The following DSE variants were observed in gnomAD, a reference collection of about 807,000 sequenced individuals.
DSE encodes dermatan sulfate epimerase.
In DSE, 36 loss-of-function variants were observed where a neutral mutation model predicts 84.4. That is an observed-to-expected ratio of 0.43 (90% confidence interval 0.33 to 0.56). The LOEUF is 0.56. DSE is among the 20% of genes least tolerant of loss of function. DSE has a pLI of 0.06. For synonymous variants in DSE, 410 were observed against 430.1 expected, an observed-to-expected ratio of 0.95 and a Z score of 0.58; for missense variants, 862 against 1,169.6, an observed-to-expected ratio of 0.74 and a Z score of 3.84.
intron 2 of DSE, chr6:116,279,399 C>A (rs1223290090): frequency 2.5e-6 from 4 of 1,613,138 alleles, no homozygotes; most frequent in Admixed American, 1.7e-5. Context: ...CCCCCGCCGT[C>A]AGCTCAGACG....
intron 2 of DSE, among the ~76,000 whole-genome samples, chr6:116,275,951 CTG>C (rs1773121579): frequency 6.6e-6 from 1 of 152,194 alleles, no homozygotes; most frequent in South Asian, 2.1e-4. Context: ...CTGTATCACT[CTG>C]TTAATTCTTT....
intron 3 of DSE, among the ~76,000 whole-genome samples, chr6:116,429,228 T>G (rs1308054309): frequency 6.6e-6 from 1 of 152,184 alleles, no homozygotes; most frequent in Admixed American, 6.5e-5. Flanking sequence ...CAGGGTATGA[T>G]GATCAGTCAC....
chr6:116,333,627 G>T (rs764097177), intron 2 of DSE, among the ~76,000 whole-genome samples: 7 of 152,102 alleles, frequency 4.6e-5, no homozygotes, highest in Admixed American at 2.0e-4. Flanking sequence ...GAAAAGTGAG[G>T]CTTCAGAAAG....
At chr6:116,401,875 A>T (rs1781618716) in intron 2 of DSE, among the ~76,000 whole-genome samples, 1 of 152,138 alleles carries the variant, frequency 6.6e-6, no homozygotes, top group African/African-American at 2.4e-5. Context: ...CAAAAACAAA[A>T]AACTAGCTGT....
At chr6:116,435,544 A>G in intron 5 of DSE, 43 bp from the exon 6 acceptor site, 1 of 1,526,068 alleles carries the variant, frequency 6.6e-7, no homozygotes, top group Non-Finnish European at 8.8e-7. Context: ...TGTTATTTTC[A>G]CTGCCATCAG....
At chr6:116,291,496 G>T (rs1009555367) in intron 2 of DSE, among the ~76,000 whole-genome samples, 6 of 151,816 alleles carry the variant, frequency 4.0e-5, no homozygotes, top group African/African-American at 1.5e-4. Context: ...AAGATAGGGA[G>T]ATTAGTTGGG....
At chr6:116,389,408 G>A in intron 1 of DSE, among the ~76,000 whole-genome samples, 1 of 151,904 alleles carries the variant, frequency 6.6e-6, no homozygotes. Context: ...ATGAAGTGAG[G>A]GCTTTAAAGG....
intron 2 of DSE, among the ~76,000 whole-genome samples, chr6:116,330,821 T>G (rs1169836885): frequency 1.3e-5 from 2 of 152,164 alleles, no homozygotes; most frequent in East Asian, 3.9e-4. Context: ...AACTTTGATA[T>G]AAGAACATGA....
chr6:116,339,133 C>G (rs1489119550), intron 2 of DSE, among the ~76,000 whole-genome samples: 1 of 152,166 alleles, frequency 6.6e-6, no homozygotes, highest in Non-Finnish European at 1.5e-5. Flanking sequence ...CACCCCAGTC[C>G]TGTCCGTCTG....
chr6:116,316,974 G>A (rs1293199688), intron 2 of DSE, among the ~76,000 whole-genome samples: 1 of 152,072 alleles, frequency 6.6e-6, no homozygotes, highest in Non-Finnish European at 1.5e-5. Context: ...AGCATTAAAT[G>A]TGCAAGAAAT....
chr6:116,369,675 A>G (rs1009498876), upstream of DSE: 4 of 287,270 alleles, frequency 1.4e-5, no homozygotes, highest in African/African-American at 8.7e-5. Context: ...AGTTTATGCA[A>G]ATTAGTGGTT....
chr6:116,288,737 T>C (rs566303710), intron 2 of DSE, among the ~76,000 whole-genome samples: 9 of 152,270 alleles, frequency 5.9e-5, no homozygotes, highest in African/African-American at 2.2e-4. Flanking sequence ...GGCTGCTATA[T>C]TGGATCTCAT....
chr6:116,431,876 C>T (rs911064215), intron 4 of DSE, among the ~76,000 whole-genome samples: 1 of 151,884 alleles, frequency 6.6e-6, no homozygotes, highest in Non-Finnish European at 1.5e-5. Flanking sequence ...GATGTTAGAA[C>T]AAGTTATAAA....
chr6:116,307,748 A>G (rs1047524345), intron 2 of DSE, among the ~76,000 whole-genome samples: 1 of 152,228 alleles, frequency 6.6e-6, no homozygotes, highest in African/African-American at 2.4e-5. Flanking sequence ...TGAAAACAAA[A>G]CACTGTGCAG....
chr6:116,382,417 A>G (rs1780292800), intron 1 of DSE, among the ~76,000 whole-genome samples: 2 of 152,122 alleles, frequency 1.3e-5, no homozygotes, highest in Non-Finnish European at 2.9e-5. Flanking sequence ...CCATTCCCCT[A>G]CGTAGCCACA....
At chr6:116,433,599 T>C in intron 5 of DSE, 49 bp downstream of exon 5, 1 of 1,535,402 alleles carries the variant, frequency 6.5e-7, no homozygotes, top group African/African-American at 1.4e-5. Flanking sequence ...CCAAGGGTAC[T>C]ATTCATGCTA....
intron 1 of DSE, among the ~76,000 whole-genome samples, chr6:116,257,799 G>GC (rs1251323404): frequency 6.6e-6 from 1 of 152,032 alleles, no homozygotes; most frequent in East Asian, 1.9e-4. Context: ...GGCACCGATT[G>GC]CCCCCCAGAG....
chr6:116,405,382 C>T (rs1781857812), intron 2 of DSE, among the ~76,000 whole-genome samples: 1 of 152,138 alleles, frequency 6.6e-6, no homozygotes, highest in African/African-American at 2.4e-5. Flanking sequence ...GAAGGCTGGG[C>T]GGCTTAGCCC....
At chr6:116,257,763 G>A (rs1772206436) in intron 1 of DSE, among the ~76,000 whole-genome samples, 1 of 152,108 alleles carries the variant, frequency 6.6e-6, no homozygotes, top group Admixed American at 6.5e-5. Context: ...TCTCATTAGG[G>A]CTCTAACCAG....
Sources: allele counts gnomAD v4.1 joint callset (sites outside exome capture counted in the v4.1 genomes callset), GRCh38; gene constraint gnomAD v4.1.1; transcripts MANE v1.5; gene names NCBI Gene and HGNC (gene_info 2026-07-23, HGNC 2026-07-21).